Variants in TNFRSF8 observed in about 807,000 individuals in gnomAD.
The protein encoded by TNFRSF8 is tumor necrosis factor receptor superfamily member 8.
A neutral mutation model predicts 70.8 loss-of-function variants in TNFRSF8; 26 were observed. That is an observed-to-expected ratio of 0.37 (90% CI 0.27 to 0.51). The LOEUF is 0.51. Among genes scored for constraint, TNFRSF8 ranks in the 20% least tolerant of loss-of-function variants. TNFRSF8 has a pLI of 0.94. For missense variants in TNFRSF8, 720 were observed against 807.9 expected, an observed-to-expected ratio of 0.89 and a Z score of 1.32; for synonymous variants, 356 against 339.2, an observed-to-expected ratio of 1.05 and a Z score of -0.54.
At chr1:12,077,994 G>A (rs1353173684) in intron 1 of TNFRSF8, 3 of 152,124 alleles carry the variant, frequency 2.0e-5, no homozygotes, top group Non-Finnish European at 4.4e-5. Flanking sequence ...CAAGACTTTG[G>A]GCTTTATTCA....
At chr1:12,064,978 G>T (rs887411903) in intron 1 of TNFRSF8, among the ~76,000 whole-genome samples, 2 of 151,624 alleles carry the variant, frequency 1.3e-5, no homozygotes, top group African/African-American at 4.9e-5. Context: ...GTAGAGTGAA[G>T]CCCCCTCCAC....
chr1:12,117,367 G>A (rs1211279585), intron 8 of TNFRSF8, among the ~76,000 whole-genome samples: 5 of 152,174 alleles, frequency 3.3e-5, no homozygotes, highest in Non-Finnish European at 7.3e-5. Flanking sequence ...ACAGGTGTGA[G>A]CCACCGTGCC....
Position 12,076,203 on chromosome 1 carries a change from C to T in TNFRSF8, c.64-8261C>T, listed in dbSNP as rs148469641. Among the ~76,000 whole-genome samples the T allele has an allele frequency of 4.3e-4, 65 of 149,864 alleles. 1 individual carries two copies. In the East Asian group the frequency reaches 8.5e-3, roughly 20 times the overall value. On this transcript the variant is annotated intron_variant, in intron 1 of 14. Coordinates refer to ENST00000263932, the MANE Select transcript of TNFRSF8 (RefSeq NM_001243.5). The stretch of plus-strand genomic sequence containing the variant: ...ACAACCTCTGCCTCCCGGGTTCAAG[C>T]GATTCTTCTGCCTCAGCCTCCCGAG...
Position 12,143,206 on chromosome 1 carries a change from C to T in TNFRSF8, c.*675C>T, listed in dbSNP as rs745881353. The T allele has an allele frequency of 9.2e-5, 14 of 152,454 alleles. No homozygotes were observed. The highest frequency in any genetic ancestry group is 2.1e-4 in the Non-Finnish European group (14 of 68,246). The allele number at this position is 152,454 out of a possible 1,614,324, so 9.4% of individuals were successfully genotyped here. On this transcript the variant is annotated 3_prime_UTR_variant, in exon 15 of 15. Transcript: ENST00000263932. The surrounding 1 kb of genome is among the most constrained non-coding windows in gnomAD (Gnocchi z 4.1). Reference sequence around the variant, plus strand: ...GCTGCCCACCTTCCCTGTCCTGTAGCCCCCTCGGTGGGCCCAGGGCCTAGG... The same window carrying T: ...GCTGCCCACCTTCCCTGTCCTGTAGTCCCCTCGGTGGGCCCAGGGCCTAGG...
chr1:12,135,648 G>A lies in TNFRSF8; in HGVS notation c.1335+35G>A, dbSNP rs369952838. On this transcript the variant is annotated intron_variant, in intron 13 of 14. Transcript: ENST00000263932. ...CCTCCCTTGCCCCCACCTCAGCTTC[G>A]TGCCCCTAAATCTGACTCCTTCCCT... 3.3e-5 allele frequency: 54 copies of A among 1,612,708 alleles called. No individual in the cohort carries two copies. The African/African-American group carries it at 3.5e-4, about 10-fold the overall frequency.
chr1:12,138,464 C>T lies in TNFRSF8; in HGVS notation c.1543+28C>T. 2 of 1,592,894 alleles carry T rather than the reference C, an allele frequency of 1.3e-6. No individual in the cohort carries two copies. Among genetic ancestry groups the T allele is most frequent in the Non-Finnish European group, 1.7e-6 (2 of 1,166,602 alleles). The stretch of plus-strand genomic sequence containing the variant: ...GAGTCAGCCTGTTTTGGGAGGTCCC[C>T]TGCAGCCCAGGGGCAGATGGGAGAT... On this transcript the variant is annotated intron_variant, in intron 14 of 14. Coordinates refer to ENST00000263932, the MANE Select transcript of TNFRSF8 (RefSeq NM_001243.5). This position sits in a 1 kb window ranked among gnomAD's most constrained non-coding sequence, Gnocchi z 5.7.
At position 12,108,412 on chromosome 1, in the gene TNFRSF8, G is replaced by A. The variant is rs187847119; in HGVS notation, c.422-1154G>A. 3.3e-5 allele frequency among the ~76,000 whole-genome samples: 5 copies of A among 152,268 alleles called. No homozygotes were observed. Among genetic ancestry groups the A allele is most frequent in the Admixed American group, 2.6e-4 (4 of 15,290 alleles). ...TCACCTTCTAAGTGTTGGGATGGGAGTCCAGATGGGTGTAAGGACATAGCA... is the reference window on the plus strand; with the variant it reads ...TCACCTTCTAAGTGTTGGGATGGGAATCCAGATGGGTGTAAGGACATAGCA... On this transcript the variant is annotated intron_variant, in intron 4 of 14. Coordinates refer to ENST00000263932, the MANE Select transcript of TNFRSF8 (RefSeq NM_001243.5). The surrounding 1 kb of genome is among the most constrained non-coding windows in gnomAD (Gnocchi z 4.0).
rs1041474983 is a variant in TNFRSF8 at position 12,112,418 on chromosome 1, C to G, written c.793+404C>G. On this transcript the variant is annotated intron_variant, in intron 7 of 14. Coordinates refer to ENST00000263932, the MANE Select transcript of TNFRSF8 (RefSeq NM_001243.5). The surrounding 1 kb of genome is among the most constrained non-coding windows in gnomAD (Gnocchi z 5.3). ...TTTTTTTTTTTTTCCCAGACAGGGT[C>G]TCACTCCTTCACCCAAGCTGCAGTA... 8.6e-5 allele frequency among the ~76,000 whole-genome samples: 13 copies of G among 150,802 alleles called. No homozygotes were observed. Among genetic ancestry groups the G allele is most frequent in the Non-Finnish European group, 1.8e-4 (12 of 67,804 alleles).
chr1:12,092,890 C>T (rs1171748516), intron 2 of TNFRSF8, among the ~76,000 whole-genome samples: 3 of 151,994 alleles, frequency 2.0e-5, no homozygotes, highest in Non-Finnish European at 2.9e-5. Context: ...ACTGCAACCT[C>T]CACCTCCCAG....
rs760703100 is a variant in TNFRSF8, at chr1:12,108,516, G to A, written c.422-1050G>A. Among the ~76,000 whole-genome samples the A allele has an allele frequency of 4.6e-5, 7 of 152,102 alleles. No homozygotes were observed. Among genetic ancestry groups the A allele is most frequent in the Non-Finnish European group, 7.3e-5 (5 of 68,028 alleles). ...TCCTGACGACAGCCTGGTGAAGAGTGTATGATTATAGTCATTTGACTGGGC... is the reference window on the plus strand; with the variant it reads ...TCCTGACGACAGCCTGGTGAAGAGTATATGATTATAGTCATTTGACTGGGC... On this transcript the variant is annotated intron_variant, in intron 4 of 14. Transcript: ENST00000263932. This position sits in a 1 kb window ranked among gnomAD's most constrained non-coding sequence, Gnocchi z 4.0.
In TNFRSF8 at chr1:12,138,461, C is replaced by T; in HGVS notation, c.1543+25C>T. On this transcript the variant is annotated intron_variant, in intron 14 of 14. Coordinates refer to ENST00000263932, the MANE Select transcript of TNFRSF8 (RefSeq NM_001243.5). This position sits in a 1 kb window ranked among gnomAD's most constrained non-coding sequence, Gnocchi z 5.7. Reference sequence around the variant, plus strand: ...GGTGAGTCAGCCTGTTTTGGGAGGTCCCCTGCAGCCCAGGGGCAGATGGGA... The same window carrying T: ...GGTGAGTCAGCCTGTTTTGGGAGGTTCCCTGCAGCCCAGGGGCAGATGGGA... 1.9e-6 allele frequency: 3 copies of T among 1,593,546 alleles called. No individual in the cohort carries two copies. The highest frequency in any genetic ancestry group is 2.6e-6 in the Non-Finnish European group (3 of 1,166,834).
At chr1:12,089,883 T>C (rs1641216835) in intron 2 of TNFRSF8, among the ~76,000 whole-genome samples, 1 of 150,448 alleles carries the variant, frequency 6.6e-6, no homozygotes, top group African/African-American at 2.5e-5. Context: ...CCCTAACCCA[T>C]CCATCTATCC....
intron 14 of TNFRSF8, among the ~76,000 whole-genome samples, chr1:12,139,793 C>G (rs1414360421): frequency 1.3e-5 from 2 of 152,128 alleles, no homozygotes; most frequent in Non-Finnish European, 2.9e-5. Flanking sequence ...TGTCATCATG[C>G]CTGGCTAATT....
At chr1:12,114,411 T>G (rs1641689045) in intron 7 of TNFRSF8, among the ~76,000 whole-genome samples, 2 of 152,142 alleles carry the variant, frequency 1.3e-5, no homozygotes, top group South Asian at 4.1e-4. Flanking sequence ...ACACACCCTT[T>G]GCACAAATTC....
rs778214301 is a variant in TNFRSF8 at position 12,138,421 on chromosome 1, A to G, written c.1528A>G (p.Thr510Ala). Residue 510 changes from threonine to alanine, a missense_variant, in exon 14 of 15, where the codon ACC becomes GCC. Physicochemically the swap from Thr to Ala is moderately conservative, Grantham distance 58 (BLOSUM62 0). Coordinates refer to ENST00000263932, the MANE Select transcript of TNFRSF8 (RefSeq NM_001243.5). This position sits in a 1 kb window ranked among gnomAD's most constrained non-coding sequence, Gnocchi z 5.7. The part of the protein sequence containing the change: ...LPEPRVSTEH[T>A]NNKIEKIYIM... ...TGAGCCCCGGGTGTCCACGGAGCAC[A>G]CCAATAACAAGATTGGTGAGTCAGC... 1 of 1,611,670 alleles carries G rather than the reference A, an allele frequency of 6.2e-7. No homozygotes were observed. Among genetic ancestry groups the G allele is most frequent in the Non-Finnish European group, 8.5e-7 (1 of 1,178,380 alleles).
intron 2 of TNFRSF8, among the ~76,000 whole-genome samples, chr1:12,093,874 A>G (rs1641286193): frequency 6.6e-6 from 1 of 151,938 alleles, no homozygotes; most frequent in Non-Finnish European, 1.5e-5. Flanking sequence ...GATCGAGAGC[A>G]TCTTGGCTAA....
intron 1 of TNFRSF8, among the ~76,000 whole-genome samples, chr1:12,070,208 A>C (rs1250870064): frequency 6.6e-6 from 1 of 151,744 alleles, no homozygotes; most frequent in Non-Finnish European, 1.5e-5. Context: ...CATTGCATTG[A>C]TCCAGGGGAG....
At position 12,080,690 on chromosome 1, in the gene TNFRSF8, T is replaced by C. The variant is rs1641049280; in HGVS notation, c.64-3774T>C. On this transcript the variant is annotated intron_variant, in intron 1 of 14. Coordinates refer to ENST00000263932, the MANE Select transcript of TNFRSF8 (RefSeq NM_001243.5). Reference sequence around the variant, plus strand: ...CTCATGCCTCAGCCTCCTGAGTAGCTGGGATTACAGGCACCCACCACCACT... The same window carrying C: ...CTCATGCCTCAGCCTCCTGAGTAGCCGGGATTACAGGCACCCACCACCACT... 8 of 236,330 alleles carry C rather than the reference T, an allele frequency of 3.4e-5. No individual in the cohort carries two copies. The South Asian group carries it at 3.8e-4, about 11-fold the overall frequency. 14.6% of individuals were successfully genotyped at this position (236,330 alleles called of 1,614,324 possible). A position where few individuals can be genotyped will look rare whatever the true frequency, so the allele number is the denominator to read the frequency against.
chr1:12,080,591 C>T lies in TNFRSF8; in HGVS notation c.64-3873C>T, dbSNP rs898096608. On this transcript the variant is annotated intron_variant, in intron 1 of 14. Transcript: ENST00000263932. ...TATTTTTTTGAGATGGAGTTTCACCCTTGTTGCCTAGGCTGGAGTGCAATG... is the reference window on the plus strand; with the variant it reads ...TATTTTTTTGAGATGGAGTTTCACCTTTGTTGCCTAGGCTGGAGTGCAATG... 8.9e-6 allele frequency: 3 copies of T among 337,334 alleles called. No homozygotes were observed. The Admixed American group carries it at 1.2e-4, about 13-fold the overall frequency. 20.9% of individuals were successfully genotyped at this position (337,334 alleles called of 1,614,324 possible).
Sources: allele counts gnomAD v4.1 joint callset (sites outside exome capture counted in the v4.1 genomes callset), GRCh38; gene constraint gnomAD v4.1.1; non-coding constraint Gnocchi (gnomAD v3.1); transcripts MANE v1.5; gene names NCBI Gene and HGNC (gene_info 2026-07-23, HGNC 2026-07-21).